The following ITCH variants were observed in gnomAD, a reference collection of about 807,000 sequenced individuals.
The protein encoded by ITCH is E3 ubiquitin-protein ligase Itchy homolog.
ITCH carries 28 observed loss-of-function variants against 126.8 expected under a neutral mutation model. The ratio of observed to expected loss-of-function variants is 0.22; its 90% CI spans 0.16 to 0.30. ITCH has a LOEUF of 0.30. Among genes scored for constraint, ITCH ranks in the 10% least tolerant of loss-of-function variants. The probability of loss-of-function intolerance (pLI) is 1.00; values close to 1 mark genes in which losing one functional copy is unlikely to be tolerated. For synonymous variants in ITCH, 342 were observed against 340.0 expected (o/e 1.01, Z -0.06); for missense variants, 631 against 1,032.4 (o/e 0.61, Z 5.33).
intron 2 of ITCH, among the ~76,000 whole-genome samples, chr20:34,383,687 G>A (rs2038155178): frequency 1.3e-5 from 2 of 151,500 alleles, no homozygotes; most frequent in African/African-American, 4.8e-5. Context: ...ATATATGTGT[G>A]TATTTATTAT....
chr20:34,483,046 T>C (rs567740667), intron 20 of ITCH, among the ~76,000 whole-genome samples: 29 of 152,290 alleles, frequency 1.9e-4, no homozygotes, highest in African/African-American at 6.5e-4. Flanking sequence ...CTTTTAGTCA[T>C]GCTGGAGCAG....
chr20:34,402,381 C>A lies in ITCH; in HGVS notation c.71-6270C>A, dbSNP rs559797517. On this transcript the variant is annotated intron_variant, in intron 3 of 24. Transcript: ENST00000374864. ...GGTCATCTTTGAGATCAATTTGGGT[C>A]CCAACAAGCAACAAAGGAGTCTTTG... 74 of 805,788 alleles carry A rather than the reference C, an allele frequency of 9.2e-5. 1 individual carries two copies. The highest frequency in any genetic ancestry group is 9.1e-4 in the South Asian group (68 of 75,090). 49.9% of individuals were successfully genotyped at this position (805,788 alleles called of 1,614,324 possible).
chr20:34,378,277 C>T (rs2037921628), intron 2 of ITCH, among the ~76,000 whole-genome samples: 1 of 151,750 alleles, frequency 6.6e-6, no homozygotes, highest in Admixed American at 6.6e-5. Context: ...TCGAGAGCAG[C>T]CTGGCCAACA....
At chr20:34,473,299 T>C (rs1446566689) in intron 16 of ITCH, among the ~76,000 whole-genome samples, 3 of 151,590 alleles carry the variant, frequency 2.0e-5, no homozygotes, top group Admixed American at 1.3e-4. Context: ...AGACATTTGT[T>C]AAAAGGAATT....
intron 7 of ITCH, among the ~76,000 whole-genome samples, chr20:34,429,676 G>A (rs771027974): frequency 1.1e-4 from 17 of 152,086 alleles, no homozygotes; most frequent in Admixed American, 7.2e-4. Context: ...AAGTCCGAGC[G>A]TGCAGAATTT....
chr20:34,378,192 C>T (rs976947596), intron 2 of ITCH, among the ~76,000 whole-genome samples: 2 of 151,802 alleles, frequency 1.3e-5, no homozygotes, highest in Non-Finnish European at 2.9e-5. Context: ...AGATGTAGGC[C>T]GGGCACAGTG....
intron 12 of ITCH, among the ~76,000 whole-genome samples, chr20:34,452,014 A>G (rs1362820404): frequency 6.7e-6 from 1 of 149,384 alleles, no homozygotes; most frequent in Non-Finnish European, 1.5e-5. Context: ...GGCTGCAAGT[A>G]GGCCAAGATT....
chr20:34,427,833 A>T (rs1981757351), intron 7 of ITCH, among the ~76,000 whole-genome samples: 1 of 152,170 alleles, frequency 6.6e-6, no homozygotes, highest in Admixed American at 6.5e-5. Flanking sequence ...ATAAGTGGGT[A>T]TGTAAAAGGT....
Position 34,369,538 on chromosome 20 carries a change from C to T in ITCH, c.-22+68C>T, listed in dbSNP as rs79722532. On this transcript the variant is annotated intron_variant, in intron 2 of 24. Transcript: ENST00000374864. ...GCAGAGGCCAAGCTCTGGTCTTATA[C>T]CTGCTGTGAGGAGAGAGCAGTGTTG... is the stretch of plus-strand genomic sequence containing the variant. 3.5e-3 allele frequency: 1,390 copies of T among 395,392 alleles called. 19 individuals carry two copies. Among genetic ancestry groups the T allele is most frequent in the East Asian group, 0.03 (831 of 27,874 alleles). The allele number at this position is 395,392 out of a possible 1,614,324, so 24.5% of individuals were successfully genotyped here. A position where few individuals can be genotyped will look rare whatever the true frequency, so the allele number is the denominator to read the frequency against.
At position 34,510,438 on chromosome 20, in the gene ITCH, TGTTAA is replaced by T. The variant is rs367900721; in HGVS notation, c.*2645_*2649del. 1 of 136,062 alleles carries T rather than the reference TGTTAA, an allele frequency of 7.3e-6. No homozygotes were observed. The highest frequency in any genetic ancestry group is 1.5e-5 in the Non-Finnish European group (1 of 65,308). 8.4% of individuals were successfully genotyped at this position (136,062 alleles called of 1,614,324 possible). On this transcript the variant is annotated 3_prime_UTR_variant, in exon 25 of 25. Coordinates refer to ENST00000374864, the MANE Select transcript of ITCH (RefSeq NM_031483.7). Reference sequence around the variant, plus strand: ...AAGCATTGTAAATGCTAATAAATCCTGTTAATTTTTTTTTTTTTTTTTTTTTTTTT... The same window carrying T: ...AAGCATTGTAAATGCTAATAAATCCTTTTTTTTTTTTTTTTTTTTTTTTTT...
At chr20:34,456,158 TTGTGTGTGTG>T (rs1161624865) in intron 12 of ITCH, among the ~76,000 whole-genome samples, 4 of 47,674 alleles carry the variant, frequency 8.4e-5, no homozygotes, top group Non-Finnish European at 1.2e-4. Context: ...TTTTTATATA[TTGTGTGTGTG>T]TGTGTGTGTG....
intron 3 of ITCH, among the ~76,000 whole-genome samples, chr20:34,395,163 G>T (rs1187726262): frequency 6.6e-6 from 1 of 151,570 alleles, no homozygotes; most frequent in African/African-American, 2.4e-5. Context: ...AACCTAGGAG[G>T]CGGAGGTTGC....
chr20:34,471,670 A>AGG (rs1295830479), intron 16 of ITCH, among the ~76,000 whole-genome samples, 155 bp downstream of exon 16: 5 of 121,112 alleles, frequency 4.1e-5, no homozygotes, highest in East Asian at 4.5e-4. Flanking sequence ...TTAGGGCTTA[A>AGG]GGGGTGTGTG....
chr20:34,432,950 C>G lies in ITCH; in HGVS notation c.522-5524C>G, dbSNP rs145192258. On this transcript the variant is annotated intron_variant, in intron 7 of 24. Coordinates refer to ENST00000374864, the MANE Select transcript of ITCH (RefSeq NM_031483.7). ...CCAGGCTGGGTGACAGAGCGAGAAT[C>G]TGTCTCAGAAACCAAAAACAAACAA... 1.2e-3 allele frequency among the ~76,000 whole-genome samples: 181 copies of G among 151,614 alleles called. 1 individual carries two copies. The highest frequency in any genetic ancestry group is 4.2e-3 in the African/African-American group (174 of 41,340).
intron 1 of ITCH, among the ~76,000 whole-genome samples, chr20:34,366,965 C>G (rs925746637): frequency 6.6e-6 from 1 of 151,996 alleles, no homozygotes; most frequent in African/African-American, 2.4e-5. Context: ...TTTACTAGTG[C>G]AATATTGTTG....
At chr20:34,489,655 G>C (rs1028542807) in intron 21 of ITCH, among the ~76,000 whole-genome samples, 167 bp from the exon 22 acceptor site, 6 of 152,318 alleles carry the variant, frequency 3.9e-5, no homozygotes, top group South Asian at 2.1e-4. Flanking sequence ...CACCGTGCAT[G>C]GAACCTTGCC....
At chr20:34,446,220 G>A (rs1447896557) in intron 11 of ITCH, among the ~76,000 whole-genome samples, 1 of 152,116 alleles carries the variant, frequency 6.6e-6, no homozygotes, top group African/African-American at 2.4e-5. Flanking sequence ...AGATGGATTT[G>A]TTATATAGAA....
chr20:34,379,400 C>T (rs956227942), intron 2 of ITCH, among the ~76,000 whole-genome samples: 1 of 151,902 alleles, frequency 6.6e-6, no homozygotes, highest in African/African-American at 2.4e-5. Context: ...GTACATTTAC[C>T]TTGTTATGTG....
intron 11 of ITCH, among the ~76,000 whole-genome samples, chr20:34,446,983 T>C (rs565219019): frequency 6.6e-6 from 1 of 152,364 alleles, no homozygotes; most frequent in Non-Finnish European, 1.5e-5. Flanking sequence ...TACTGAATGC[T>C]TAGAAATGTT....
Sources: allele counts gnomAD v4.1 joint callset (sites outside exome capture counted in the v4.1 genomes callset), GRCh38; gene constraint gnomAD v4.1.1; transcripts MANE v1.5; gene names NCBI Gene and HGNC (gene_info 2026-07-23, HGNC 2026-07-21).